The following DISC1 variants were observed in gnomAD, a reference collection of about 807,000 sequenced individuals.
The protein encoded by DISC1 is DISC1 scaffold protein, also known as disrupted in schizophrenia 1 protein.
A neutral mutation model predicts 84.5 loss-of-function variants in DISC1; 57 were observed. The ratio of observed to expected loss-of-function variants is 0.67; its 90% CI spans 0.55 to 0.84. The LOEUF (loss-of-function observed/expected upper bound fraction) is 0.84. Among genes scored for constraint, DISC1 ranks in the 40% least tolerant of loss-of-function variants. DISC1 has a pLI of 0.00. For synonymous variants in DISC1, 411 were observed against 415.2 expected, an observed-to-expected ratio of 0.99 and a Z score of 0.12; for missense variants, 1,000 against 1,057.8, an observed-to-expected ratio of 0.95 and a Z score of 0.76.
chr1:231,973,509 A>G (rs1412478399), intron 10 of DISC1, among the ~76,000 whole-genome samples: 1 of 152,188 alleles, frequency 6.6e-6, no homozygotes, highest in Non-Finnish European at 1.5e-5. Flanking sequence ...TGACCACATC[A>G]CTTGGATCAT....
chr1:232,008,994 A>T lies in DISC1; in HGVS notation c.2252A>T (p.Glu751Val). 1 of 1,613,902 alleles carries T rather than the reference A, an allele frequency of 6.2e-7. No individual in the cohort carries two copies. The highest frequency in any genetic ancestry group is 8.5e-7 in the Non-Finnish European group (1 of 1,179,844). ...KRKTPLKVLE[E>V]WKTHLIPSLH... Reference sequence around the variant, plus strand: ...AAGACCCCTTTGAAGGTATTGGAAGAATGGAAGACTCACCTCATCCCCTCT... The same window carrying T: ...AAGACCCCTTTGAAGGTATTGGAAGTATGGAAGACTCACCTCATCCCCTCT... The change falls in exon 11 of 13, where the codon GAA becomes GTA. Residue 751 changes from glutamate (E) to valine (V), a missense_variant. Physicochemically the swap from Glu to Val is moderately radical, Grantham distance 121. Coordinates refer to ENST00000439617, the MANE Select transcript of DISC1 (RefSeq NM_018662.3).
chr1:231,920,452 C>A (rs529664686), intron 9 of DISC1, among the ~76,000 whole-genome samples: 1 of 152,196 alleles, frequency 6.6e-6, no homozygotes, highest in East Asian at 1.9e-4. Context: ...TGGCAACCTC[C>A]GTTCTCCTTT....
Position 231,826,222 on chromosome 1 carries a change from G to T in DISC1, c.1981+7705G>T, listed in dbSNP as rs1157819185. On this transcript the variant is annotated intron_variant, in intron 9 of 12. Transcript: ENST00000439617. The surrounding 1 kb of genome is among the most constrained non-coding windows in gnomAD (Gnocchi z 4.2). Reference sequence around the variant, plus strand: ...GGATCCTGTCACAGAGCCTTCAGGGGGCAAGGCCACCATCTGAATCCCTCT... The same window carrying T: ...GGATCCTGTCACAGAGCCTTCAGGGTGCAAGGCCACCATCTGAATCCCTCT... Among the ~76,000 whole-genome samples, 1 of 152,110 alleles carries T rather than the reference G, an allele frequency of 6.6e-6. No individual in the cohort carries two copies. Among genetic ancestry groups the T allele is most frequent in the African/African-American group, 2.4e-5 (1 of 41,406 alleles).
chr1:231,675,649 A>G lies in DISC1; in HGVS notation c.68-18177A>G, dbSNP rs535017996. 1.3e-5 allele frequency among the ~76,000 whole-genome samples: 2 copies of G among 152,110 alleles called. No individual in the cohort carries two copies. Among genetic ancestry groups the G allele is most frequent in the Non-Finnish European group, 2.9e-5 (2 of 68,020 alleles). ...AAAGATGGTGCTGTGAGGGACAGCC[A>G]TGGAGGCCCATGTGCGCCATTGCCC... On this transcript the variant is annotated intron_variant, in intron 1 of 12. Transcript: ENST00000439617. This position sits in a 1 kb window ranked among gnomAD's most constrained non-coding sequence, Gnocchi z 4.1.
At chr1:231,770,668 A>G (rs1276653398) in intron 5 of DISC1, among the ~76,000 whole-genome samples, 167 bp from the exon 6 acceptor site, 2 of 152,202 alleles carry the variant, frequency 1.3e-5, no homozygotes, top group Non-Finnish European at 2.9e-5. Context: ...TAAAGCTGGC[A>G]TGATTTTTCC....
At chr1:231,758,600 A>C (rs185919219) in intron 4 of DISC1, among the ~76,000 whole-genome samples, 1 of 152,326 alleles carries the variant, frequency 6.6e-6, no homozygotes, top group African/African-American at 2.4e-5. Flanking sequence ...GTTTAGGTCT[A>C]AGTCCTTCAG....
intron 4 of DISC1, among the ~76,000 whole-genome samples, chr1:231,765,987 C>T (rs552995123): frequency 6.6e-6 from 1 of 151,934 alleles, no homozygotes; most frequent in South Asian, 2.1e-4. Flanking sequence ...TGATCTAGTA[C>T]GCACATTAAA....
intron 6 of DISC1, 166 bp downstream of exon 6, chr1:231,771,236 G>A (rs2076531529): frequency 2.0e-6 from 2 of 985,014 alleles, no homozygotes; most frequent in Admixed American, 6.2e-5. Flanking sequence ...ACGGTGTGGG[G>A]CAGTCCTGAA....
chr1:231,990,684 G>A (rs780463429), intron 10 of DISC1, among the ~76,000 whole-genome samples: 3 of 152,132 alleles, frequency 2.0e-5, no homozygotes, highest in Non-Finnish European at 4.4e-5. Context: ...AAGTAGGCAT[G>A]GCTTACATCT....
intron 8 of DISC1, among the ~76,000 whole-genome samples, chr1:231,811,561 G>T (rs994944844): frequency 6.6e-6 from 1 of 152,210 alleles, no homozygotes. Context: ...TTCAAATGTG[G>T]ATAGGTGAAA....
chr1:231,917,048 A>G (rs1390128563), intron 9 of DISC1, among the ~76,000 whole-genome samples: 1 of 152,232 alleles, frequency 6.6e-6, no homozygotes. Flanking sequence ...CTTTCGGGGT[A>G]CGACATAGAA....
chr1:231,744,039 G>A (rs537736804), intron 3 of DISC1, among the ~76,000 whole-genome samples: 23 of 152,320 alleles, frequency 1.5e-4, no homozygotes, highest in African/African-American at 5.5e-4. Context: ...AAAATGACAA[G>A]CTTGTTGAAA....
At chr1:232,015,563 G>A (rs969947483) in intron 11 of DISC1, among the ~76,000 whole-genome samples, 1 of 152,120 alleles carries the variant, frequency 6.6e-6, no homozygotes, top group Non-Finnish European at 1.5e-5. Flanking sequence ...CACAGCTACA[G>A]TGCATTTGAT....
At chr1:231,963,987 G>T (rs821595) in intron 10 of DISC1, among the ~76,000 whole-genome samples, 37,556 of 151,946 alleles carry the variant, frequency 0.25, 4,774 homozygotes, top group South Asian at 0.27. Context: ...AACCGATTAG[G>T]TCAGGGGTCG....
At chr1:231,977,334 G>A (rs1480142295) in intron 10 of DISC1, among the ~76,000 whole-genome samples, 1 of 152,178 alleles carries the variant, frequency 6.6e-6, no homozygotes, top group African/African-American at 2.4e-5. Flanking sequence ...ATAAAGTCAA[G>A]GTGTCCACAG....
rs111429376 is a variant in DISC1 at position 231,788,030 on chromosome 1, C to T, written c.1635-7212C>T. Among the ~76,000 whole-genome samples, 672 of 152,308 alleles carry T rather than the reference C, an allele frequency of 4.4e-3. 3 individuals are homozygous for T. The highest frequency in any genetic ancestry group is 0.015 in the African/African-American group (644 of 41,558). On this transcript the variant is annotated intron_variant, in intron 6 of 12. Coordinates refer to ENST00000439617, the MANE Select transcript of DISC1 (RefSeq NM_018662.3). Reference sequence around the variant, plus strand: ...GGGCGCAGTGGCTCATGCCTGTAATCCCAGCACTCTGGAAGGCTGAGGTGG... The same window carrying T: ...GGGCGCAGTGGCTCATGCCTGTAATTCCAGCACTCTGGAAGGCTGAGGTGG...
At chr1:231,656,552 T>G (rs2061096981) in intron 1 of DISC1, among the ~76,000 whole-genome samples, 1 of 152,226 alleles carries the variant, frequency 6.6e-6, no homozygotes, top group East Asian at 1.9e-4. Flanking sequence ...TGCTCAGGAT[T>G]ACTTTGGCTG....
At chr1:232,016,965 G>A (rs200445842) in intron 11 of DISC1, among the ~76,000 whole-genome samples, 18 of 152,098 alleles carry the variant, frequency 1.2e-4, no homozygotes, top group Non-Finnish European at 2.2e-4. Context: ...CTGCTTATTG[G>A]CATTTACACG....
intron 3 of DISC1, among the ~76,000 whole-genome samples, chr1:231,732,684 AT>A (rs1450428597): frequency 6.6e-6 from 1 of 152,198 alleles, no homozygotes; most frequent in Non-Finnish European, 1.5e-5. Flanking sequence ...CTACTTGGAT[AT>A]GATCTAAGGA....
Sources: allele counts gnomAD v4.1 joint callset (sites outside exome capture counted in the v4.1 genomes callset), GRCh38; gene constraint gnomAD v4.1.1; non-coding constraint Gnocchi (gnomAD v3.1); transcripts MANE v1.5; gene names NCBI Gene and HGNC (gene_info 2026-07-23, HGNC 2026-07-21).